The following ARB2A variants were observed in gnomAD, a reference collection of about 807,000 sequenced individuals.
ARB2A encodes ARB2 cotranscriptional regulator A.
the ARB2A span, among the ~76,000 whole-genome samples, chr5:93,790,703 G>A: frequency 6.6e-6 from 1 of 152,140 alleles, no homozygotes; most frequent in East Asian, 1.9e-4. Flanking sequence ...CACGCTGGGG[G>A]AAAGAGTCCC....
chr5:93,871,547 A>T, the ARB2A span, among the ~76,000 whole-genome samples: 2 of 152,336 alleles, frequency 1.3e-5, no homozygotes, highest in East Asian at 3.9e-4. Context: ...TTTGAGGCCG[A>T]GTTTTCCTCA....
the ARB2A span, among the ~76,000 whole-genome samples, chr5:93,913,950 T>A: frequency 6.6e-6 from 1 of 151,960 alleles, no homozygotes; most frequent in African/African-American, 2.4e-5. Flanking sequence ...TTTTAGAGTG[T>A]GAAATATCAA....
chr5:93,738,012 A>G, the ARB2A span: 27 of 404,418 alleles, frequency 6.7e-5, no homozygotes, highest in Admixed American at 6.7e-4. Context: ...CAAAAGATAC[A>G]GTCAAAAGAG....
the ARB2A span, chr5:93,964,377 G>T: frequency 9.3e-7 from 1 of 1,080,628 alleles, no homozygotes; most frequent in South Asian, 1.5e-5. Context: ...CAAAACAAAA[G>T]TTTTCTTCTG....
chr5:93,884,483 T>A, the ARB2A span, among the ~76,000 whole-genome samples: 1 of 151,660 alleles, frequency 6.6e-6, no homozygotes, highest in Non-Finnish European at 1.5e-5. Context: ...ATGTCAATGT[T>A]TCCCTTAGGC....
chr5:93,776,224 G>C, the ARB2A span: 1 of 1,611,598 alleles, frequency 6.2e-7, no homozygotes, highest in Admixed American at 1.7e-5. Flanking sequence ...TTCTGAGCTA[G>C]AGACCCAATT....
chr5:93,933,274 C>G, the ARB2A span, among the ~76,000 whole-genome samples: 1 of 152,154 alleles, frequency 6.6e-6, no homozygotes, highest in Non-Finnish European at 1.5e-5. Context: ...ACCAGGAATA[C>G]CATTTTACCC....
At chr5:93,779,879 TA>T in the ARB2A span, among the ~76,000 whole-genome samples, 1 of 152,200 alleles carries the variant, frequency 6.6e-6, no homozygotes, top group Non-Finnish European at 1.5e-5. Context: ...TGATATGGAT[TA>T]GAAATGCCTA....
chr5:93,975,907 G>C, the ARB2A span, among the ~76,000 whole-genome samples: 88 of 151,874 alleles, frequency 5.8e-4, no homozygotes, highest in African/African-American at 2.1e-3. Flanking sequence ...TCAAGGAGGA[G>C]GGACTCCTCC....
chr5:93,885,885 A>T, the ARB2A span, among the ~76,000 whole-genome samples: 1 of 151,740 alleles, frequency 6.6e-6, no homozygotes, highest in African/African-American at 2.4e-5. Context: ...AAGTCTGTAG[A>T]TGCACTTACT....
At chr5:94,012,334 G>A in the ARB2A span, among the ~76,000 whole-genome samples, 4 of 152,196 alleles carry the variant, frequency 2.6e-5, no homozygotes, top group Admixed American at 2.0e-4. Flanking sequence ...CCCGGGAGGC[G>A]GGGCTTGCAG....
chr5:94,097,474 T>C, the ARB2A span, among the ~76,000 whole-genome samples: 1 of 152,196 alleles, frequency 6.6e-6, no homozygotes, highest in Admixed American at 6.5e-5. Context: ...AATTGAATCA[T>C]GGGAGCATGT....
chr5:93,897,702 T>A, the ARB2A span, among the ~76,000 whole-genome samples: 1 of 151,900 alleles, frequency 6.6e-6, no homozygotes, highest in African/African-American at 2.4e-5. Context: ...GATCCTTTAT[T>A]GAGGTACTAC....
the ARB2A span, among the ~76,000 whole-genome samples, chr5:94,018,784 C>T: frequency 6.6e-5 from 10 of 151,782 alleles, no homozygotes; most frequent in Admixed American, 6.6e-5. Context: ...GATGAATTGA[C>T]ATTCATCACA....
the ARB2A span, among the ~76,000 whole-genome samples, chr5:93,670,816 T>C: frequency 6.6e-6 from 1 of 152,224 alleles, no homozygotes; most frequent in African/African-American, 2.4e-5. Flanking sequence ...TGTTTATGTA[T>C]AAAAATGCAA....
chr5:93,772,903 C>A, the ARB2A span, among the ~76,000 whole-genome samples: 2 of 152,194 alleles, frequency 1.3e-5, no homozygotes, highest in Admixed American at 1.3e-4. Flanking sequence ...ACCACGTTCC[C>A]CATTATCCTT....
chr5:93,729,311 T>C, the ARB2A span, among the ~76,000 whole-genome samples: 2 of 152,302 alleles, frequency 1.3e-5, no homozygotes, highest in South Asian at 2.1e-4. Context: ...CTCAAGCTTA[T>C]GTGCTTCTTG....
At chr5:93,811,830 G>A in the ARB2A span, among the ~76,000 whole-genome samples, 1 of 152,152 alleles carries the variant, frequency 6.6e-6, no homozygotes. Context: ...TGATGCCACT[G>A]CCTTCTGATT....
the ARB2A span, among the ~76,000 whole-genome samples, chr5:93,982,806 G>C: frequency 6.6e-6 from 1 of 152,184 alleles, no homozygotes; most frequent in Admixed American, 6.5e-5. Context: ...GGTAATCCCA[G>C]CACTTTGGGA....
Sources: allele counts gnomAD v4.1 joint callset (sites outside exome capture counted in the v4.1 genomes callset), GRCh38; gene constraint gnomAD v4.1.1; transcripts MANE v1.5; gene names NCBI Gene and HGNC (gene_info 2026-07-23, HGNC 2026-07-21).